The following MMP16 variants were observed in gnomAD, a reference collection of about 807,000 sequenced individuals.
MMP16 encodes matrix metalloproteinase-16.
Under a neutral mutation model 67.8 loss-of-function variants are expected in MMP16, and 12 were observed. The observed-to-expected ratio is 0.18, with a 90% confidence interval of 0.11 to 0.29. The LOEUF (loss-of-function observed/expected upper bound fraction) is 0.29. Among genes scored for constraint, MMP16 ranks in the 10% least tolerant of loss-of-function variants. The pLI, the probability that MMP16 is intolerant of heterozygous loss-of-function variation, is 1.00. For synonymous variants in MMP16, 249 were observed against 255.9 expected, an observed-to-expected ratio of 0.97 and a Z score of 0.26; for missense variants, 475 against 765.7, an observed-to-expected ratio of 0.62 and a Z score of 4.48.
intron 1 of MMP16, among the ~76,000 whole-genome samples, chr8:88,271,164 G>T (rs1041614543): frequency 1.3e-5 from 2 of 152,136 alleles, no homozygotes; most frequent in African/African-American, 4.8e-5. Flanking sequence ...TATCTAACCA[G>T]ATAGAAAAAG....
At chr8:88,226,493 G>A (rs530653568) in intron 1 of MMP16, among the ~76,000 whole-genome samples, 1 of 152,112 alleles carries the variant, frequency 6.6e-6, no homozygotes, top group East Asian at 1.9e-4. Flanking sequence ...TTTAACTGTA[G>A]AAGACTCATT....
At chr8:88,159,308 T>G (rs1435603978) in intron 4 of MMP16, among the ~76,000 whole-genome samples, 1 of 152,214 alleles carries the variant, frequency 6.6e-6, no homozygotes, top group Non-Finnish European at 1.5e-5. Context: ...GCATGGAAAG[T>G]TCTTCCATTT....
chr8:88,050,723 A>C (rs1271143453), intron 8 of MMP16, among the ~76,000 whole-genome samples: 2 of 152,200 alleles, frequency 1.3e-5, no homozygotes, highest in African/African-American at 4.8e-5. Context: ...TGTTACTGCT[A>C]GTATCTGCCT....
chr8:88,291,314 A>G (rs1004501634), intron 1 of MMP16, among the ~76,000 whole-genome samples: 16 of 152,144 alleles, frequency 1.1e-4, no homozygotes, highest in East Asian at 3.9e-4. Flanking sequence ...TAATAAGGTC[A>G]ACTTTTAAGA....
At chr8:88,251,174 C>T (rs1036503624) in intron 1 of MMP16, among the ~76,000 whole-genome samples, 4 of 151,258 alleles carry the variant, frequency 2.6e-5, no homozygotes, top group South Asian at 2.1e-4. Context: ...ATCCAGAGCC[C>T]GCATCGCCAA....
chr8:88,210,075 G>T (rs1309052155), intron 1 of MMP16, among the ~76,000 whole-genome samples: 2 of 152,074 alleles, frequency 1.3e-5, no homozygotes, highest in African/African-American at 2.4e-5. Context: ...GCCTGGAAGA[G>T]AATCTTTCCT....
chr8:88,294,277 T>TAC (rs986804974), intron 1 of MMP16, among the ~76,000 whole-genome samples: 14 of 145,160 alleles, frequency 9.6e-5, no homozygotes, highest in African/African-American at 2.9e-4. Context: ...TATCTATATA[T>TAC]ACACACACAC....
chr8:88,075,976 A>ACAC (rs1400489880), intron 6 of MMP16, among the ~76,000 whole-genome samples: 3 of 46,106 alleles, frequency 6.5e-5, no homozygotes, highest in South Asian at 6.5e-4. Context: ...CACACACACA[A>ACAC]AATCTACTGA....
intron 6 of MMP16, among the ~76,000 whole-genome samples, chr8:88,113,139 C>G (rs1302669723): frequency 6.6e-6 from 1 of 151,792 alleles, no homozygotes; most frequent in Non-Finnish European, 1.5e-5. Context: ...CGTGAACCAC[C>G]TTCTGCTCTG....
At position 88,247,588 on chromosome 8, in the gene MMP16, A is replaced by G. The variant is rs1447569991; in HGVS notation, c.133-50282T>C. ...GGGTTCACTGTTGTGGTTCTTAACAAGAACATTTTCCTGCCAATCCAGGAA... is the reference window on the plus strand; with the variant it reads ...GGGTTCACTGTTGTGGTTCTTAACAGGAACATTTTCCTGCCAATCCAGGAA... On this transcript the variant is annotated intron_variant, in intron 1 of 9. Transcript: ENST00000286614. Among the ~76,000 whole-genome samples the G allele has an allele frequency of 3.3e-5, 5 of 152,112 alleles. No individual in the cohort carries two copies. The South Asian group carries it at 6.2e-4, about 19-fold the overall frequency.
chr8:88,320,562 A>C (rs1387162460), intron 1 of MMP16, among the ~76,000 whole-genome samples: 1 of 152,162 alleles, frequency 6.6e-6, no homozygotes, highest in Non-Finnish European at 1.5e-5. Flanking sequence ...TAGTTCATCA[A>C]ATATGTAATC....
intron 7 of MMP16, among the ~76,000 whole-genome samples, chr8:88,059,955 A>T (rs937850283): frequency 1.3e-5 from 2 of 151,738 alleles, no homozygotes; most frequent in Admixed American, 1.3e-4. Flanking sequence ...AAAGAGATGG[A>T]CTGAAAGAGA....
intron 1 of MMP16, among the ~76,000 whole-genome samples, chr8:88,203,964 G>T (rs1586203432): frequency 6.6e-6 from 1 of 152,140 alleles, no homozygotes; most frequent in Admixed American, 6.5e-5. Context: ...CAAGAGAAAA[G>T]AAATTGTTTT....
intron 3 of MMP16, among the ~76,000 whole-genome samples, 193 bp from the exon 4 acceptor site, chr8:88,168,166 T>C (rs1280785913): frequency 6.6e-6 from 1 of 152,182 alleles, no homozygotes; most frequent in Non-Finnish European, 1.5e-5. Context: ...AGGATAGTAT[T>C]CATGTACCAA....
intron 4 of MMP16, among the ~76,000 whole-genome samples, chr8:88,125,632 T>C (rs1045771116): frequency 6.6e-6 from 1 of 151,972 alleles, no homozygotes; most frequent in Admixed American, 6.6e-5. Context: ...AGAGTTTGAA[T>C]ATGATATCTG....
chr8:88,313,715 C>G lies in MMP16; in HGVS notation c.132+13360G>C, dbSNP rs570171452. On this transcript the variant is annotated intron_variant, in intron 1 of 9. Coordinates refer to ENST00000286614, the MANE Select transcript of MMP16 (RefSeq NM_005941.5). ...TTCTCACACTGCTGATAAAGACATACCCAAGACTGGGCAATTTACAAAATA... is the reference window on the plus strand; with the variant it reads ...TTCTCACACTGCTGATAAAGACATAGCCAAGACTGGGCAATTTACAAAATA... Among the ~76,000 whole-genome samples, 60 of 152,244 alleles carry G rather than the reference C, an allele frequency of 3.9e-4. 1 individual carries two copies. The Middle Eastern group carries it at 0.024, about 60-fold the overall frequency.
In MMP16 at chr8:88,058,612, A is replaced by G. The variant is rs1270130153; in HGVS notation, c.1223-2334T>C. On this transcript the variant is annotated intron_variant, in intron 7 of 9. Transcript: ENST00000286614. This position sits in a 1 kb window ranked among gnomAD's most constrained non-coding sequence, Gnocchi z 4.2. ...GGCTACTTTGTATTAGATGCAGGAG[A>G]GATCTCTTTATTCAACTGTGACATA... is the stretch of plus-strand genomic sequence containing the variant. Among the ~76,000 whole-genome samples the G allele has an allele frequency of 6.6e-6, 1 of 152,142 alleles. No homozygotes were observed.
intron 4 of MMP16, among the ~76,000 whole-genome samples, chr8:88,158,357 C>T (rs530990071): frequency 5.9e-5 from 9 of 152,214 alleles, no homozygotes; most frequent in Admixed American, 2.0e-4. Context: ...TTCTAATGAT[C>T]GCCATTTTAA....
intron 4 of MMP16, 81 bp from the exon 5 acceptor site, chr8:88,118,942 A>G (rs1385013680): frequency 7.4e-7 from 1 of 1,346,272 alleles, no homozygotes; most frequent in East Asian, 2.5e-5. Flanking sequence ...TATTATCAAC[A>G]TTTTACCCAA....
Sources: allele counts gnomAD v4.1 joint callset (sites outside exome capture counted in the v4.1 genomes callset), GRCh38; gene constraint gnomAD v4.1.1; non-coding constraint Gnocchi (gnomAD v3.1); transcripts MANE v1.5; gene names NCBI Gene and HGNC (gene_info 2026-07-23, HGNC 2026-07-21).